The following SI variants were observed in gnomAD, a reference collection of about 807,000 sequenced individuals.
The protein encoded by SI is sucrase-isomaltase, also known as sucrase-isomaltase, intestinal.
In SI, 235 loss-of-function variants were observed where a neutral mutation model predicts 253.3. The ratio of observed to expected loss-of-function variants is 0.93; its 90% CI spans 0.83 to 1.03. The LOEUF is 1.03. SI is among the 50% of genes least tolerant of loss of function. The pLI is 0.00. For missense variants in SI, 2,442 were observed against 2,211.1 expected (o/e 1.10, Z -2.09); for synonymous variants, 819 against 712.0 (o/e 1.15, Z -2.39).
At chr3:165,066,609 C>T (rs987002260) in intron 6 of SI, among the ~76,000 whole-genome samples, 1 of 151,862 alleles carries the variant, frequency 6.6e-6, no homozygotes, top group African/African-American at 2.4e-5. Flanking sequence ...CTCTGGAAAC[C>T]ATAATCCTAC....
chr3:164,984,484 T>A (rs2108112395), intron 45 of SI, among the ~76,000 whole-genome samples: 1 of 152,188 alleles, frequency 6.6e-6, no homozygotes, highest in Non-Finnish European at 1.5e-5. Flanking sequence ...TCATGAACAA[T>A]CTTTTAAGTA....
At chr3:165,019,570 G>A in intron 28 of SI, 32 bp downstream of exon 28, 1 of 1,601,046 alleles carries the variant, frequency 6.2e-7, no homozygotes, top group Admixed American at 1.7e-5. Context: ...GGTCTTAGTT[G>A]CCTCGTGGAG....
rs760787293 is a variant in SI at position 165,021,273 on chromosome 3, ATTT to A, written c.3207_3209del (p.Glu1069_Asn1070delinsAsp). 6 of 1,611,374 alleles carry A rather than the reference ATTT, an allele frequency of 3.7e-6. No individual in the cohort carries two copies. The African/African-American group carries it at 8.0e-5, about 22-fold the overall frequency. On this transcript the variant is annotated inframe_deletion, in exon 27 of 48. Transcript: ENST00000264382. ...TCCGTCGAATCTGGATGCCAAAAGG[ATTT>A]TCCTTGATTTCCACATCATAAAGTC...
chr3:165,035,854 A>G (rs1712503706), intron 22 of SI, among the ~76,000 whole-genome samples: 1 of 151,682 alleles, frequency 6.6e-6, no homozygotes, highest in African/African-American at 2.4e-5. Context: ...ATAGCAGAAG[A>G]TTACTTTTAA....
At chr3:165,011,430 T>G (rs1237921326) in intron 34 of SI, among the ~76,000 whole-genome samples, 1 of 152,124 alleles carries the variant, frequency 6.6e-6, no homozygotes, top group Non-Finnish European at 1.5e-5. Context: ...CCCCTCTTTT[T>G]CTGATTTCTA....
At chr3:165,050,609 C>G (rs1324916417) in intron 13 of SI, among the ~76,000 whole-genome samples, 2 of 152,088 alleles carry the variant, frequency 1.3e-5, no homozygotes, top group Non-Finnish European at 2.9e-5. Flanking sequence ...TCATATATCA[C>G]AGTACATATA....
At position 165,049,173 on chromosome 3, in the gene SI, C is replaced by T. The variant is rs1185540606; in HGVS notation, c.1669G>A (p.Asp557Asn). 3.7e-5 allele frequency: 59 copies of T among 1,612,060 alleles called. No individual in the cohort carries two copies. The highest frequency in any genetic ancestry group is 4.9e-5 in the Non-Finnish European group (58 of 1,178,490). ...CTGTATCCATAGAGGCTATGAACAT[C>T]ATACTGTTTACCCCAGTTCTGCACA... ...DAVQNWGKQY[D>N]VHSLYGYSMA... is the part of the protein sequence containing the mutation. Residue 557 changes from aspartate (D) to asparagine (N), a missense_variant, in exon 15 of 48, where the codon GAT (aspartate) becomes AAT (asparagine). By Grantham distance (23) the Asp-to-Asn change is conservative. Coordinates refer to ENST00000264382, the MANE Select transcript of SI (RefSeq NM_001041.4).
At position 165,068,970 on chromosome 3, in the gene SI, A is replaced by G. The variant is rs1714402128; in HGVS notation, c.373+108T>C. The G allele has an allele frequency of 5.7e-6, 6 of 1,045,076 alleles. No homozygotes were observed. The Admixed American group carries it at 1.1e-4, about 19-fold the overall frequency. 64.7% of individuals were successfully genotyped at this position (1,045,076 alleles called of 1,614,324 possible). A position where few individuals can be genotyped will look rare whatever the true frequency, so the allele number is the denominator to read the frequency against. On this transcript the variant is annotated intron_variant, in intron 4 of 47. Coordinates refer to ENST00000264382, the MANE Select transcript of SI (RefSeq NM_001041.4). Reference sequence around the variant, plus strand: ...AATCATGCAAAAATAAGGAATTTGAACATTCTCAGGAACATATTTCTTATT... The same window carrying G: ...AATCATGCAAAAATAAGGAATTTGAGCATTCTCAGGAACATATTTCTTATT...
chr3:165,068,577 G>C (rs1714377292), intron 5 of SI, 145 bp downstream of exon 5: 2 of 697,642 alleles, frequency 2.9e-6, no homozygotes, highest in African/African-American at 3.5e-5. Context: ...GTTTCACCCT[G>C]TTAGCCAGGA....
chr3:165,044,344 A>G lies in SI; in HGVS notation c.1888-1169T>C, dbSNP rs986354410. 1.9e-4 allele frequency among the ~76,000 whole-genome samples: 29 copies of G among 152,052 alleles called. 1 individual carries two copies. Among genetic ancestry groups the G allele is most frequent in the African/African-American group, 7.0e-4 (29 of 41,554 alleles). ...TTTTTCTGGTTTACTTATAATGTGC[A>G]TTGTATAATCGGAACTGTTTGTAAC... On this transcript the variant is annotated intron_variant, in intron 16 of 47. Coordinates refer to ENST00000264382, the MANE Select transcript of SI (RefSeq NM_001041.4).
intron 47 of SI, among the ~76,000 whole-genome samples, chr3:164,981,225 C>T (rs1211545185): frequency 2.0e-5 from 3 of 151,928 alleles, no homozygotes; most frequent in East Asian, 3.9e-4. Flanking sequence ...AGAAAAATAG[C>T]GAGTTGCAGT....
chr3:164,995,012 A>C (rs1315008341), intron 40 of SI, among the ~76,000 whole-genome samples: 1 of 151,796 alleles, frequency 6.6e-6, no homozygotes, highest in African/African-American at 2.4e-5. Flanking sequence ...CTACAAAAAA[A>C]ATTCTTGCAC....
upstream of SI, among the ~76,000 whole-genome samples, chr3:165,079,304 A>T (rs935135334): frequency 4.0e-5 from 6 of 151,672 alleles, no homozygotes; most frequent in Admixed American, 2.6e-4. Context: ...ATATTGCTTA[A>T]TTATTATTGA....
chr3:164,982,959 C>T, intron 46 of SI, 43 bp downstream of exon 46: 1 of 1,534,858 alleles, frequency 6.5e-7, no homozygotes, highest in Non-Finnish European at 8.9e-7. Flanking sequence ...CTGTGAACTT[C>T]AAATATTCCT....
At chr3:165,058,099 C>A (rs1393896765) in intron 12 of SI, among the ~76,000 whole-genome samples, 3 of 151,568 alleles carry the variant, frequency 2.0e-5, no homozygotes, top group South Asian at 2.1e-4. Context: ...TCTTACACCA[C>A]AATGGAATAA....
At position 165,071,188 on chromosome 3, in the gene SI, A is replaced by G. The variant is rs535497654; in HGVS notation, c.256-1993T>C. Reference sequence around the variant, plus strand: ...AAGTAGACACGAATTTTTGGAAAACATTATTTAACCTACTACATATACACT... The same window carrying G: ...AAGTAGACACGAATTTTTGGAAAACGTTATTTAACCTACTACATATACACT... On this transcript the variant is annotated intron_variant, in intron 3 of 47. Transcript: ENST00000264382. Among the ~76,000 whole-genome samples the G allele has an allele frequency of 2.6e-5, 4 of 152,242 alleles. No homozygotes were observed. The South Asian group carries it at 8.3e-4, about 32-fold the overall frequency.
intron 37 of SI, among the ~76,000 whole-genome samples, chr3:164,999,666 T>C (rs991699426): frequency 2.0e-5 from 3 of 151,626 alleles, no homozygotes; most frequent in African/African-American, 7.2e-5. Flanking sequence ...CCATGACACC[T>C]TGAGATTCCT....
In SI at chr3:164,992,192, C is replaced by T. The variant is rs763289145; in HGVS notation, c.4968G>A (p.Trp1656Ter). 6.2e-7 allele frequency: 1 copy of T among 1,611,368 alleles called. No individual in the cohort carries two copies. The highest frequency in any genetic ancestry group is 8.5e-7 in the Non-Finnish European group (1 of 1,179,118). Residue 1656 changes from tryptophan to a stop codon, truncating the protein, a stop_gained, in exon 43 of 48, where the codon TGG becomes TGA. Coordinates refer to ENST00000264382, the MANE Select transcript of SI (RefSeq NM_001041.4). LOFTEE classifies it high-confidence loss of function. The part of the protein sequence containing the change: ...TVNAYVPNAR[W>*]FDYHTGKDIG... Reference sequence around the variant, plus strand: ...AAATACTTACTGTATGGTAGTCAAACCACCGAGCATTGGGGACGTAGGCAT... The same window carrying T: ...AAATACTTACTGTATGGTAGTCAAATCACCGAGCATTGGGGACGTAGGCAT...
At chr3:165,064,428 T>C (rs963969151) in intron 7 of SI, among the ~76,000 whole-genome samples, 12 of 152,134 alleles carry the variant, frequency 7.9e-5, no homozygotes, top group African/African-American at 2.7e-4. Context: ...TATTAATAAT[T>C]CTGTACCAAA....
Sources: gnomAD v4.1 joint callset for allele counts (sites outside exome capture counted in the v4.1 genomes callset) on GRCh38, gnomAD v4.1.1 for gene constraint, MANE v1.5 for transcripts, NCBI Gene and HGNC (gene_info 2026-07-23, HGNC 2026-07-21) for gene names.